The following KAT7 variants were observed in gnomAD, a reference collection of about 807,000 sequenced individuals.
The protein encoded by KAT7 is lysine acetyltransferase 7.
KAT7 carries 10 observed loss-of-function variants against 82.1 expected under a neutral mutation model. The ratio of observed to expected loss-of-function variants is 0.12; its 90% confidence interval spans 0.08 to 0.21. The LOEUF is 0.21. Among genes scored for constraint, KAT7 ranks in the 10% least tolerant of loss-of-function variants. The pLI is 1.00. For synonymous variants in KAT7, 250 were observed against 262.5 expected (o/e 0.95, Z 0.46); for missense variants, 378 against 760.9 (o/e 0.50, Z 5.92).
Position 49,797,593 on chromosome 17 carries a change from C to T in KAT7, c.340+667C>T, listed in dbSNP as rs55971006. Among the ~76,000 whole-genome samples the T allele has an allele frequency of 8.3e-3, 1,271 of 152,228 alleles. 7 individuals are homozygous for T. The highest frequency in any genetic ancestry group is 0.014 in the Non-Finnish European group (947 of 68,016). The stretch of plus-strand genomic sequence containing the variant: ...GACTGGTGAACTACTTCTAGCTGTC[C>T]GCATGGTTGGTTGGTTTGCTTGCAC... On this transcript the variant is annotated intron_variant, in intron 3 of 14. Coordinates refer to ENST00000259021, the MANE Select transcript of KAT7 (RefSeq NM_007067.5).
chr17:49,799,685 CA>C (rs2073998629), intron 4 of KAT7, among the ~76,000 whole-genome samples: 1 of 151,964 alleles, frequency 6.6e-6, no homozygotes, highest in African/African-American at 2.4e-5. Context: ...TATAGAGAGA[CA>C]GGGGTCTCAC....
At chr17:49,793,577 T>A (rs1418828147) in intron 2 of KAT7, among the ~76,000 whole-genome samples, 1 of 149,924 alleles carries the variant, frequency 6.7e-6, no homozygotes, top group Non-Finnish European at 1.5e-5. Context: ...TGGTTAATTT[T>A]TTTTTTTTTT....
At position 49,830,844 on chromosome 17, in the gene KAT7, G is replaced by A. The variant is rs937607353; in HGVS notation, c.*3342G>A. The A allele has an allele frequency of 2.0e-5, 3 of 152,138 alleles. No homozygotes were observed. The highest frequency in any genetic ancestry group is 4.8e-5 in the African/African-American group (2 of 41,420). The allele number at this position is 152,138 out of a possible 1,614,324, so 9.4% of individuals were successfully genotyped here. ...ATGATGAATCATCCTCTCCCTTCTA[G>A]TTGGATTTGTTTCTAATGGCTTCCA... On this transcript the variant is annotated 3_prime_UTR_variant, in exon 15 of 15. Coordinates refer to ENST00000259021, the MANE Select transcript of KAT7 (RefSeq NM_007067.5).
intron 1 of KAT7, chr17:49,789,253 G>C (rs2143822505): frequency 6.0e-6 from 1 of 167,248 alleles, no homozygotes; most frequent in Non-Finnish European, 1.3e-5. Context: ...GAGGTTGGCA[G>C]TCTGTCCTGT....
intron 1 of KAT7, 36 bp downstream of exon 1, chr17:49,788,885 A>G: frequency 3.2e-6 from 5 of 1,556,070 alleles, no homozygotes; most frequent in Non-Finnish European, 4.4e-6. Flanking sequence ...CGGGTTTCTA[A>G]GGACAGTCGA....
At position 49,821,718 on chromosome 17, in the gene KAT7, G is replaced by A. The variant is rs969949854; in HGVS notation, c.1314G>A (p.Val438=). ...FLDHKTLYYD[V]EPFLFYVMTE... The stretch of plus-strand genomic sequence containing the variant: ...ACCACAAGACATTATATTATGATGT[G>A]GAGCCCTTCCTGTTCTATGTTATGA... Residue 438 remains valine, a synonymous_variant, in exon 11 of 15, where the codon GTG becomes GTA. Coordinates refer to ENST00000259021, the MANE Select transcript of KAT7 (RefSeq NM_007067.5). 4 of 1,613,002 alleles carry A rather than the reference G, an allele frequency of 2.5e-6. No homozygotes were observed. The highest frequency in any genetic ancestry group is 3.4e-6 in the Non-Finnish European group (4 of 1,179,180).
chr17:49,799,549 G>C (rs1212996239), intron 4 of KAT7, among the ~76,000 whole-genome samples: 1 of 152,176 alleles, frequency 6.6e-6, no homozygotes, highest in Non-Finnish European at 1.5e-5. Context: ...CCTAACTTTT[G>C]TATTTTTAGT....
At chr17:49,790,244 C>T (rs984383151) in intron 1 of KAT7, among the ~76,000 whole-genome samples, 10 of 152,010 alleles carry the variant, frequency 6.6e-5, no homozygotes, top group African/African-American at 2.2e-4. Context: ...TTGCCCAGGT[C>T]GGAGTGCGAT....
In KAT7 at chr17:49,830,594, A is replaced by G. The variant is rs1303989483; in HGVS notation, c.*3092A>G. On this transcript the variant is annotated 3_prime_UTR_variant, in exon 15 of 15. Coordinates refer to ENST00000259021, the MANE Select transcript of KAT7 (RefSeq NM_007067.5). ...TGAAACCTGCTCAATGGAAGTACCT[A>G]CTCTATTGGTTGCTTCCCATATGGT... 1 of 151,904 alleles carries G rather than the reference A, an allele frequency of 6.6e-6. No individual in the cohort carries two copies. Among genetic ancestry groups the G allele is most frequent in the African/African-American group, 2.4e-5 (1 of 41,320 alleles). The allele number at this position is 151,904 out of a possible 1,614,324, so 9.4% of individuals were successfully genotyped here.
intron 7 of KAT7, among the ~76,000 whole-genome samples, chr17:49,814,047 A>C (rs986132715): frequency 4.6e-5 from 7 of 152,010 alleles, no homozygotes; most frequent in African/African-American, 1.7e-4. Context: ...GTGGGCCACC[A>C]CACCCAGCTG....
chr17:49,826,614 G>A (rs1330903400), intron 13 of KAT7, 79 bp from the exon 14 acceptor site: 1 of 875,990 alleles, frequency 1.1e-6, no homozygotes, highest in Non-Finnish European at 1.9e-6. Flanking sequence ...TTTCCTTTAA[G>A]GGAAAGTAGA....
At chr17:49,807,037 C>T (rs1012019173) in intron 5 of KAT7, among the ~76,000 whole-genome samples, 3 of 152,142 alleles carry the variant, frequency 2.0e-5, no homozygotes, top group Non-Finnish European at 4.4e-5. Flanking sequence ...CTTGAGTTTC[C>T]CAGGACACCC....
chr17:49,823,819 T>C (rs2074335254), intron 12 of KAT7, among the ~76,000 whole-genome samples: 1 of 152,234 alleles, frequency 6.6e-6, no homozygotes. Flanking sequence ...GTAAGAGTCA[T>C]GGATGCACAC....
intron 2 of KAT7, 136 bp downstream of exon 2, chr17:49,792,169 T>G (rs1017564156): frequency 1.2e-6 from 1 of 819,312 alleles, no homozygotes; most frequent in African/African-American, 1.7e-5. Flanking sequence ...TGGTAAAATG[T>G]AGAGTGAATG....
chr17:49,818,989 A>C (rs192524030), intron 9 of KAT7, among the ~76,000 whole-genome samples: 1 of 152,228 alleles, frequency 6.6e-6, no homozygotes, highest in African/African-American at 2.4e-5. Flanking sequence ...CACCCACCTC[A>C]GCTTCCCAAA....
At chr17:49,800,842 A>G (rs1413669072) in intron 4 of KAT7, among the ~76,000 whole-genome samples, 2 of 152,168 alleles carry the variant, frequency 1.3e-5, no homozygotes, top group African/African-American at 4.8e-5. Context: ...GTGTGTGTAT[A>G]TACATACATA....
intron 4 of KAT7, among the ~76,000 whole-genome samples, chr17:49,802,003 A>T (rs2074030581): frequency 6.6e-6 from 1 of 152,296 alleles, no homozygotes; most frequent in Non-Finnish European, 1.5e-5. Flanking sequence ...ATATGTACAC[A>T]TATTTCCTTT....
intron 4 of KAT7, among the ~76,000 whole-genome samples, chr17:49,798,946 T>A (rs1021649147): frequency 2.0e-5 from 3 of 152,210 alleles, no homozygotes; most frequent in African/African-American, 7.2e-5. Context: ...CCATAGCTGT[T>A]AAGGAAATGA....
chr17:49,821,880 G>A, intron 11 of KAT7, 90 bp downstream of exon 11: 2 of 1,184,514 alleles, frequency 1.7e-6, no homozygotes, highest in East Asian at 2.4e-5. Context: ...ACAGGAAGAA[G>A]CTGTACTCTG....
Sources: allele counts gnomAD v4.1 joint callset (sites outside exome capture counted in the v4.1 genomes callset), GRCh38; gene constraint gnomAD v4.1.1; transcripts MANE v1.5; gene names NCBI Gene and HGNC (gene_info 2026-07-23, HGNC 2026-07-21).